The following ASIC2 variants were observed in gnomAD, a reference collection of about 807,000 sequenced individuals.
The protein encoded by ASIC2 is acid-sensing ion channel 2.
ASIC2 carries 25 observed loss-of-function variants against 57.3 expected under a neutral mutation model. The ratio of observed to expected loss-of-function variants is 0.44; its 90% CI spans 0.32 to 0.61. The LOEUF (loss-of-function observed/expected upper bound fraction) is 0.61. Ranked by LOEUF, ASIC2 falls within the 20% of genes least tolerant of loss-of-function variation. The pLI is 0.06. For missense variants in ASIC2, 641 were observed against 738.1 expected (o/e 0.87, Z 1.52); for synonymous variants, 319 against 307.5 (o/e 1.04, Z -0.39).
intron 1 of ASIC2, among the ~76,000 whole-genome samples, chr17:33,956,249 C>T (rs562253779): frequency 1.1e-4 from 16 of 152,318 alleles, no homozygotes; most frequent in Admixed American, 3.3e-4. Context: ...AGAGTTTCCA[C>T]CATTCAGAGA....
chr17:33,881,814 C>T (rs1914706826), intron 1 of ASIC2, among the ~76,000 whole-genome samples: 1 of 152,110 alleles, frequency 6.6e-6, no homozygotes, highest in South Asian at 2.1e-4. Flanking sequence ...CAATCCTAGG[C>T]CAAAAGAACA....
chr17:33,292,271 G>T lies in ASIC2; in HGVS notation c.-156C>A. 1.0e-6 allele frequency: 1 copy of T among 989,832 alleles called. No homozygotes were observed. The highest frequency in any genetic ancestry group is 1.2e-6 in the Non-Finnish European group (1 of 834,368). The allele number at this position is 989,832 out of a possible 1,614,324, so 61.3% of individuals were successfully genotyped here. A position where few individuals can be genotyped will look rare whatever the true frequency, so the allele number is the denominator to read the frequency against. Reference sequence around the variant, plus strand: ...GAAAGGAGCTCCGGTGGCGCGGCATGCCCGCCCGGCGCCGCCGCTGCCGCC... The same window carrying T: ...GAAAGGAGCTCCGGTGGCGCGGCATTCCCGCCCGGCGCCGCCGCTGCCGCC... On this transcript the variant is annotated 5_prime_UTR_variant, in exon 1 of 10. Transcript: ENST00000225823.
intron 1 of ASIC2, among the ~76,000 whole-genome samples, chr17:33,897,326 C>T (rs752667516): frequency 6.6e-6 from 1 of 152,108 alleles, no homozygotes; most frequent in Non-Finnish European, 1.5e-5. Flanking sequence ...TGCCCCAAAG[C>T]CTCTCTCTCC....
chr17:33,537,062 C>T (rs1004917286), intron 1 of ASIC2, among the ~76,000 whole-genome samples: 9 of 152,198 alleles, frequency 5.9e-5, no homozygotes, highest in African/African-American at 2.2e-4. Flanking sequence ...CCTGCCCAAA[C>T]CTCTCTGGGC....
chr17:33,092,724 A>G (rs2092162379), intron 2 of ASIC2, among the ~76,000 whole-genome samples: 1 of 152,242 alleles, frequency 6.6e-6, no homozygotes, highest in African/African-American at 2.4e-5. Context: ...TTTCTACTCC[A>G]CCAGGAGTGT....
At chr17:34,072,615 A>C (rs1227747922) in intron 1 of ASIC2, among the ~76,000 whole-genome samples, 1 of 151,888 alleles carries the variant, frequency 6.6e-6, no homozygotes, top group Non-Finnish European at 1.5e-5. Flanking sequence ...GAGATGAATA[A>C]AAGTTGTGTA....
chr17:34,072,447 G>A (rs1437931159), intron 1 of ASIC2: 3 of 152,172 alleles, frequency 2.0e-5, no homozygotes, highest in Non-Finnish European at 4.4e-5. Flanking sequence ...TTTTAAGGCG[G>A]TACAGTTAGA....
chr17:33,352,091 T>C (rs1327006530), intron 1 of ASIC2, among the ~76,000 whole-genome samples: 1 of 152,082 alleles, frequency 6.6e-6, no homozygotes, highest in East Asian at 1.9e-4. Flanking sequence ...CTCCCTGGGT[T>C]AGCACCTCCA....
intron 1 of ASIC2, among the ~76,000 whole-genome samples, chr17:33,169,655 A>T (rs951000669): frequency 6.6e-6 from 1 of 152,200 alleles, no homozygotes; most frequent in Non-Finnish European, 1.5e-5. Flanking sequence ...TACATTGAAG[A>T]TCCCTAGCGT....
intron 1 of ASIC2, among the ~76,000 whole-genome samples, chr17:33,408,002 C>G (rs1910527966): frequency 6.6e-6 from 1 of 152,158 alleles, no homozygotes; most frequent in East Asian, 1.9e-4. Flanking sequence ...TTTGGGGCCA[C>G]CAAGACCACA....
intron 1 of ASIC2, among the ~76,000 whole-genome samples, chr17:33,187,960 T>C (rs902371813): frequency 7.0e-6 from 1 of 143,142 alleles, no homozygotes; most frequent in Non-Finnish European, 1.5e-5. Context: ...CAGAAAACTA[T>C]GACCTGCAAT....
At chr17:33,503,552 G>T (rs935521240) in intron 1 of ASIC2, among the ~76,000 whole-genome samples, 11 of 152,084 alleles carry the variant, frequency 7.2e-5, no homozygotes, top group Non-Finnish European at 1.2e-4. Flanking sequence ...GAGCCTTGGG[G>T]TCTAGTCTTC....
At chr17:33,337,434 CG>C (rs5820032) in intron 1 of ASIC2, among the ~76,000 whole-genome samples, 127,328 of 152,158 alleles carry the variant, frequency 0.84, 53,317 homozygotes, top group East Asian at 1. Context: ...TTTAACCTTG[CG>C]GTGGTCTGAA....
chr17:33,714,030 G>T (rs1362196075), intron 1 of ASIC2, among the ~76,000 whole-genome samples: 3 of 152,176 alleles, frequency 2.0e-5, no homozygotes, highest in Admixed American at 1.3e-4. Flanking sequence ...TGGGGGGTGG[G>T]CATGGCTTCT....
intron 1 of ASIC2, among the ~76,000 whole-genome samples, chr17:33,315,204 G>C (rs1906595846): frequency 1.3e-5 from 2 of 152,162 alleles, no homozygotes; most frequent in South Asian, 4.1e-4. Flanking sequence ...TATCTAGTGG[G>C]TACTGAATGC....
At chr17:33,187,934 GA>G (rs891128433) in intron 1 of ASIC2, among the ~76,000 whole-genome samples, 1 of 137,796 alleles carries the variant, frequency 7.3e-6, no homozygotes, top group Non-Finnish European at 1.6e-5. Context: ...AAAGAAAAAA[GA>G]AAAAAAAGAA....
intron 1 of ASIC2, among the ~76,000 whole-genome samples, chr17:33,922,836 A>C (rs1915735470): frequency 1.3e-5 from 2 of 152,132 alleles, no homozygotes; most frequent in Admixed American, 6.5e-5. Context: ...CACGAATGGC[A>C]AGTGTAAGAA....
chr17:34,024,254 C>T (rs1907288786), intron 1 of ASIC2, among the ~76,000 whole-genome samples: 1 of 152,344 alleles, frequency 6.6e-6, no homozygotes, highest in East Asian at 1.9e-4. Context: ...CTTACAGAAA[C>T]AGCCTCTTCA....
At chr17:33,748,420 G>C (rs894012987) in intron 1 of ASIC2, among the ~76,000 whole-genome samples, 9 of 152,222 alleles carry the variant, frequency 5.9e-5, no homozygotes, top group African/African-American at 2.2e-4. Context: ...TTTAGCCTCT[G>C]CAAGAGGAGA....
Sources: allele counts gnomAD v4.1 joint callset (sites outside exome capture counted in the v4.1 genomes callset), GRCh38; gene constraint gnomAD v4.1.1; transcripts MANE v1.5; gene names NCBI Gene and HGNC (gene_info 2026-07-23, HGNC 2026-07-21).